NKTR: variants seen among roughly 807,000 people sequenced by gnomAD.
NKTR encodes NK-tumor recognition protein.
In NKTR, 67 loss-of-function variants were observed where a neutral mutation model predicts 156.3. The observed-to-expected ratio is 0.43, with a 90% CI of 0.35 to 0.53. NKTR has a LOEUF of 0.53. Ranked by LOEUF, NKTR falls within the 20% of genes least tolerant of loss-of-function variation. The pLI is 0.01. For synonymous variants in NKTR, 640 were observed against 596.6 expected (o/e 1.07, Z -1.06); for missense variants, 1,604 against 1,730.9 (o/e 0.93, Z 1.30).
At chr3:42,615,605 A>G (rs924741333) in intron 2 of NKTR, among the ~76,000 whole-genome samples, 7 of 152,132 alleles carry the variant, frequency 4.6e-5, no homozygotes, top group African/African-American at 1.4e-4. Flanking sequence ...AAAACACCCT[A>G]ATGTTGAAGT....
At chr3:42,633,460 T>C (rs1422148020) in intron 9 of NKTR, 120 bp from the exon 10 acceptor site, 2 of 1,442,220 alleles carry the variant, frequency 1.4e-6, no homozygotes, top group Non-Finnish European at 1.8e-6. Context: ...ATATAACTCT[T>C]TTGAGTGAGA....
intron 2 of NKTR, chr3:42,603,064 T>C (rs1462567076): frequency 1.3e-5 from 2 of 151,026 alleles, no homozygotes; most frequent in Non-Finnish European, 2.9e-5. Flanking sequence ...AAATAGTAGA[T>C]TGCTGAAGAG....
chr3:42,622,061 C>G (rs1297810941), intron 6 of NKTR, among the ~76,000 whole-genome samples: 3 of 151,998 alleles, frequency 2.0e-5, no homozygotes, highest in Non-Finnish European at 4.4e-5. Context: ...TTTATGAGGT[C>G]TCCATGCATA....
At chr3:42,603,360 TAAA>T (rs376932471) in intron 2 of NKTR, among the ~76,000 whole-genome samples, 8 of 92,742 alleles carry the variant, frequency 8.6e-5, no homozygotes, top group African/African-American at 1.4e-4. Context: ...ATCTTGTTTC[TAAA>T]AAAAAAAAAA....
At position 42,634,636 on chromosome 3, in the gene NKTR, T is replaced by C. The variant is rs747704229; in HGVS notation, c.953T>C (p.Ile318Thr). 6.3e-7 allele frequency: 1 copy of C among 1,597,516 alleles called. No individual in the cohort carries two copies. Among genetic ancestry groups the C allele is most frequent in the South Asian group, 1.1e-5 (1 of 88,612 alleles). ...AGGAAGATTCCTGATGTTGCACCCA[T>C]TGTAAGTGATCAGAAACCATCTGTA... ...PEPKIPDVAPIVSDQKPSVSK... is the reference protein window; with the variant it reads ...PEPKIPDVAPTVSDQKPSVSK... The change falls in exon 11 of 17, where the codon ATT (isoleucine) becomes ACT (threonine). Residue 318 changes from isoleucine to threonine, a missense_variant. This residue lies in a region of NKTR where 1,255 missense variants were observed against 1,243.7 expected (regional missense o/e 1.01). Coordinates refer to ENST00000232978, the MANE Select transcript of NKTR (RefSeq NM_005385.4).
At chr3:42,641,866 A>G (rs1168925275) in intron 13 of NKTR, among the ~76,000 whole-genome samples, 1 of 150,968 alleles carries the variant, frequency 6.6e-6, no homozygotes, top group Non-Finnish European at 1.5e-5. Flanking sequence ...CGACAGAGCA[A>G]GACTCCTCAA....
chr3:42,635,378 G>T lies in NKTR; in HGVS notation c.1163+12G>T. The T allele has an allele frequency of 6.3e-7, 1 of 1,598,876 alleles. No individual in the cohort carries two copies. Among genetic ancestry groups the T allele is most frequent in the South Asian group, 1.1e-5 (1 of 89,408 alleles). On this transcript the variant is annotated intron_variant, in intron 12 of 16. Transcript: ENST00000232978. ...AGTAAAGGAGATAAGTAAGAACTTTGAGTATAAGCACAATCCTGTGTCTGT... is the reference window on the plus strand; with the variant it reads ...AGTAAAGGAGATAAGTAAGAACTTTTAGTATAAGCACAATCCTGTGTCTGT...
chr3:42,625,577 G>C (rs1708300069), intron 6 of NKTR, among the ~76,000 whole-genome samples: 1 of 152,232 alleles, frequency 6.6e-6, no homozygotes, highest in South Asian at 2.1e-4. Context: ...TTGTAAAGCT[G>C]TGTTGATGTT....
chr3:42,627,596 T>C, intron 6 of NKTR: 1 of 985,310 alleles, frequency 1.0e-6, no homozygotes, highest in Non-Finnish European at 1.2e-6. Flanking sequence ...CTTGTCAATT[T>C]CTAAGATTTA....
intron 5 of NKTR, 200 bp downstream of exon 5, chr3:42,619,908 G>C: frequency 7.0e-7 from 1 of 1,433,344 alleles, no homozygotes; most frequent in Non-Finnish European, 9.1e-7. Context: ...ATTAATTAAG[G>C]CTAACTTTAT....
intron 2 of NKTR, among the ~76,000 whole-genome samples, chr3:42,603,560 G>A (rs1367648168): frequency 2.0e-5 from 3 of 152,124 alleles, no homozygotes; most frequent in African/African-American, 7.2e-5. Context: ...TGTGATAGAT[G>A]TGTAGATGTG....
Position 42,604,659 on chromosome 3 carries a change from C to CTTTTTTTTTTTTTTTTTTTTTTTTTTT in NKTR, c.58+3608_58+3634dup, listed in dbSNP as rs71072726. ...AATTGTGGATTTATCTATTTCTCTC[C>CTTTTTTTTTTTTTTTTTTTTTTTTTTT]TTTTTTTTTTTTTTTTTTTTTTTTT... On this transcript the variant is annotated intron_variant, in intron 2 of 16. Coordinates refer to ENST00000232978, the MANE Select transcript of NKTR (RefSeq NM_005385.4). Among the ~76,000 whole-genome samples the CTTTTTTTTTTTTTTTTTTTTTTTTTTT allele has an allele frequency of 8.8e-5, 4 of 45,294 alleles. 2 individuals are homozygous for CTTTTTTTTTTTTTTTTTTTTTTTTTTT. The highest frequency in any genetic ancestry group is 1.6e-4 in the Non-Finnish European group (4 of 25,130). The allele number at this position is 45,294 out of a possible 152,430, so 29.7% of individuals were successfully genotyped here.
intron 16 of NKTR, 131 bp downstream of exon 16, chr3:42,644,134 T>A (rs1710157088): frequency 3.4e-6 from 2 of 586,926 alleles, no homozygotes; most frequent in African/African-American, 3.8e-5. Flanking sequence ...CTTCTTCCTT[T>A]AAATCTGAAC....
chr3:42,628,301 T>C, intron 6 of NKTR: 5 of 985,446 alleles, frequency 5.1e-6, no homozygotes, highest in Non-Finnish European at 6.0e-6. Flanking sequence ...TTTTCTGCAC[T>C]ACTGCTATAA....
rs957170236 is a variant in NKTR at position 42,647,658 on chromosome 3, C to T, written c.*1683C>T. On this transcript the variant is annotated 3_prime_UTR_variant, in exon 17 of 17. Transcript: ENST00000232978. ...ACAATACTGGATACTGAATACAAAA[C>T]AGTATGATTTATATTAAAGGTTTCC... 5.3e-5 allele frequency: 8 copies of T among 152,054 alleles called. No individual in the cohort carries two copies. Among genetic ancestry groups the T allele is most frequent in the Non-Finnish European group, 1.0e-4 (7 of 68,034 alleles). 9.4% of individuals were successfully genotyped at this position (152,054 alleles called of 1,614,324 possible). A position where few individuals can be genotyped will look rare whatever the true frequency, so the allele number is the denominator to read the frequency against.
chr3:42,638,583 C>CT lies in NKTR; in HGVS notation c.2880dup (p.Glu961Ter). 6.2e-7 allele frequency: 1 copy of CT among 1,614,068 alleles called. No individual in the cohort carries two copies. The highest frequency in any genetic ancestry group is 8.5e-7 in the Non-Finnish European group (1 of 1,180,000). On this transcript the variant is annotated frameshift_variant, in exon 13 of 17. Transcript: ENST00000232978. LOFTEE classifies it high-confidence loss of function. ...AAACAGCGCACATCAACTTCTGACT[C>CT]TGAGGGGTCCTGTTCCAATTCGGAA... is the stretch of plus-strand genomic sequence containing the variant.
chr3:42,638,468 G>A lies in NKTR; in HGVS notation c.2764G>A (p.Val922Ile). The change falls in exon 13 of 17, where the codon GTT becomes ATT. Residue 922 changes from valine (V) to isoleucine (I), a missense_variant. By Grantham distance (29) the Val-to-Ile change is conservative (BLOSUM62 3). Around this residue, in one of 6 missense-constraint regions of NKTR, gnomAD observed 1,255 missense variants for 1,243.7 expected, o/e 1.01. Transcript: ENST00000232978. ...GGCCACATCCGATTCTGAATCAGAG[G>A]TTAGTGAAATTCACATCAAAGTCAA... ...GEATSDSESE[V>I]SEIHIKVKPT... 1.2e-6 allele frequency: 2 copies of A among 1,611,480 alleles called. No individual in the cohort carries two copies. The highest frequency in any genetic ancestry group is 2.2e-5 in the East Asian group (1 of 44,870).
Position 42,633,621 on chromosome 3 carries a change from A to G in NKTR, c.815A>G (p.Asp272Gly). The G allele has an allele frequency of 6.2e-7, 1 of 1,614,176 alleles. No homozygotes were observed. The highest frequency in any genetic ancestry group is 8.5e-7 in the Non-Finnish European group (1 of 1,180,022). ...GATACCAATGAAAAAAGGTCAGTTGATTCCAGTGCTAAAAGGGAAAAACCT... is the reference window on the plus strand; with the variant it reads ...GATACCAATGAAAAAAGGTCAGTTGGTTCCAGTGCTAAAAGGGAAAAACCT... ...RSDTNEKRSV[D>G]SSAKREKPVV... Residue 272 changes from aspartate to glycine, a missense_variant, in exon 10 of 17, where the codon GAT becomes GGT. Asp to Gly is a moderately conservative substitution (Grantham distance 94, BLOSUM62 -1). Coordinates refer to ENST00000232978, the MANE Select transcript of NKTR (RefSeq NM_005385.4).
At chr3:42,640,993 C>T (rs114128761) in intron 13 of NKTR, among the ~76,000 whole-genome samples, 88 of 152,344 alleles carry the variant, frequency 5.8e-4, no homozygotes, top group African/African-American at 2.0e-3. Flanking sequence ...TTCTCATTTA[C>T]CTTCCCACCT....
Sources: gnomAD v4.1 joint callset for allele counts (sites outside exome capture counted in the v4.1 genomes callset) on GRCh38, gnomAD v4.1.1 for gene constraint, gnomAD v4.1.1 regional missense constraint, MANE v1.5 for transcripts, NCBI Gene and HGNC (gene_info 2026-07-23, HGNC 2026-07-21) for gene names.